DPYD: variants seen among roughly 807,000 people sequenced by gnomAD.
The protein encoded by DPYD is dihydropyrimidine dehydrogenase.
DPYD carries 109 observed loss-of-function variants against 116.2 expected under a neutral mutation model. The ratio of observed to expected loss-of-function variants is 0.94; its 90% confidence interval spans 0.80 to 1.10. The LOEUF (loss-of-function observed/expected upper bound fraction) is 1.10, where lower values mean the gene tolerates loss of function less well. Ranked by LOEUF, DPYD falls within the 50% of genes least tolerant of loss-of-function variation. DPYD has a pLI of 0.00. For synonymous variants in DPYD, 440 were observed against 432.0 expected (o/e 1.02, Z -0.23); for missense variants, 1,302 against 1,254.5 (o/e 1.04, Z -0.57).
intron 18 of DPYD, among the ~76,000 whole-genome samples, chr1:97,251,391 T>TAAAAAAAAAAAAAAAA (rs10581072): frequency 1.0e-5 from 1 of 95,360 alleles, no homozygotes; most frequent in African/African-American, 4.1e-5. Context: ...AAACTCTGTC[T>TAAAAAAAAAAAAAAAA]AAAAAAAAAA....
intron 4 of DPYD, among the ~76,000 whole-genome samples, chr1:97,733,146 AT>A (rs1177311752): frequency 6.6e-6 from 1 of 152,082 alleles, no homozygotes; most frequent in Non-Finnish European, 1.5e-5. Context: ...ATTTGGAACT[AT>A]TTTAGCAATC....
intron 3 of DPYD, among the ~76,000 whole-genome samples, chr1:97,781,759 C>T (rs1666761016): frequency 6.6e-6 from 1 of 152,114 alleles, no homozygotes; most frequent in Admixed American, 6.5e-5. Context: ...AAAAATTATA[C>T]AAATGATTTT....
At chr1:97,695,932 C>G (rs1339881389) in intron 6 of DPYD, among the ~76,000 whole-genome samples, 1 of 151,852 alleles carries the variant, frequency 6.6e-6, no homozygotes, top group African/African-American at 2.4e-5. Flanking sequence ...GAGTTCAAAA[C>G]CAGCCTGGCC....
intron 20 of DPYD, among the ~76,000 whole-genome samples, chr1:97,150,564 G>T (rs1002601043): frequency 3.9e-5 from 6 of 152,064 alleles, no homozygotes; most frequent in African/African-American, 1.4e-4. Context: ...GTGGGCACTG[G>T]GCTCTCTCTG....
At chr1:97,504,936 C>T (rs952569127) in intron 13 of DPYD, among the ~76,000 whole-genome samples, 1 of 151,714 alleles carries the variant, frequency 6.6e-6, no homozygotes, top group African/African-American at 2.4e-5. Flanking sequence ...CTCTTGTGTC[C>T]ATTGAGTAAA....
intron 13 of DPYD, among the ~76,000 whole-genome samples, chr1:97,513,178 A>AT (rs1254848344): frequency 5.9e-4 from 89 of 151,710 alleles, no homozygotes; most frequent in African/African-American, 2.0e-3. Context: ...CAAGAGTATA[A>AT]AATATATATA....
chr1:97,604,226 T>A (rs899746566), intron 8 of DPYD, among the ~76,000 whole-genome samples: 2 of 152,170 alleles, frequency 1.3e-5, no homozygotes, highest in Admixed American at 1.3e-4. Flanking sequence ...CTGTTACTTA[T>A]ATAGCTATAA....
chr1:97,273,714 C>T (rs1664745825), intron 18 of DPYD, among the ~76,000 whole-genome samples: 1 of 152,176 alleles, frequency 6.6e-6, no homozygotes, highest in South Asian at 2.1e-4. Context: ...TTATCCAGCT[C>T]TCTCAATCCT....
intron 20 of DPYD, among the ~76,000 whole-genome samples, chr1:97,106,593 C>A (rs1025560321): frequency 3.9e-5 from 6 of 152,116 alleles, no homozygotes; most frequent in Admixed American, 3.9e-4. Flanking sequence ...ATAGCACTCG[C>A]CCAGCCATCT....
At chr1:97,441,540 T>G (rs1675796875) in intron 14 of DPYD, among the ~76,000 whole-genome samples, 1 of 152,322 alleles carries the variant, frequency 6.6e-6, no homozygotes, top group South Asian at 2.1e-4. Context: ...TTTTAATTTC[T>G]GGAAGTTTTA....
chr1:97,583,173 G>A (rs1653816648), intron 10 of DPYD, among the ~76,000 whole-genome samples: 1 of 152,082 alleles, frequency 6.6e-6, no homozygotes, highest in African/African-American at 2.4e-5. Flanking sequence ...GTTTCACTGT[G>A]TTAGCCAGGA....
intron 18 of DPYD, among the ~76,000 whole-genome samples, chr1:97,247,148 A>C (rs1662774472): frequency 6.6e-6 from 1 of 152,188 alleles, no homozygotes; most frequent in Non-Finnish European, 1.5e-5. Flanking sequence ...CCATTCAACC[A>C]TTCAGTAACT....
chr1:97,130,389 G>T (rs763561584), intron 20 of DPYD, among the ~76,000 whole-genome samples: 6 of 152,144 alleles, frequency 3.9e-5, no homozygotes, highest in Non-Finnish European at 5.9e-5. Flanking sequence ...ACCAGAAGGA[G>T]ATGCTCTTTA....
intron 13 of DPYD, among the ~76,000 whole-genome samples, chr1:97,511,808 G>GT (rs1647823216): frequency 6.6e-6 from 1 of 151,732 alleles, no homozygotes; most frequent in Admixed American, 6.6e-5. Flanking sequence ...CGATTTTTAC[G>GT]TATCTTCTTA....
At chr1:97,628,291 T>A (rs1162621344) in intron 8 of DPYD, among the ~76,000 whole-genome samples, 1 of 152,018 alleles carries the variant, frequency 6.6e-6, no homozygotes, top group African/African-American at 2.4e-5. Flanking sequence ...GTCCTCATCA[T>A]TCCTCCCTAT....
chr1:97,338,065 T>C (rs757816123), intron 16 of DPYD, among the ~76,000 whole-genome samples: 3 of 152,196 alleles, frequency 2.0e-5, no homozygotes, highest in African/African-American at 4.8e-5. Flanking sequence ...TCTGTTATTA[T>C]ACAGTCTATT....
At chr1:97,691,672 C>A (rs1157326675) in intron 7 of DPYD, 45 bp downstream of exon 7, 2 of 1,490,290 alleles carry the variant, frequency 1.3e-6, no homozygotes, top group Non-Finnish European at 1.9e-6. Context: ...AGAGCTTACT[C>A]CTTTCTTTTT....
intron 16 of DPYD, among the ~76,000 whole-genome samples, chr1:97,319,213 G>T (rs1002976673): frequency 4.0e-5 from 6 of 148,246 alleles, no homozygotes; most frequent in South Asian, 2.2e-4. Context: ...CTAGCAGAAG[G>T]CAAGAAATAA....
At chr1:97,202,314 C>G (rs1349020285) in intron 19 of DPYD, among the ~76,000 whole-genome samples, 1 of 152,006 alleles carries the variant, frequency 6.6e-6, no homozygotes, top group Non-Finnish European at 1.5e-5. Flanking sequence ...CATTACTTAT[C>G]CTCTGAAACG....
Sources: gnomAD v4.1 joint callset for allele counts (sites outside exome capture counted in the v4.1 genomes callset) on GRCh38, gnomAD v4.1.1 for gene constraint, MANE v1.5 for transcripts, NCBI Gene and HGNC (gene_info 2026-07-23, HGNC 2026-07-21) for gene names.